Variants in ZNF839 observed in about 807,000 individuals in gnomAD.
ZNF839 encodes zinc finger protein 839.
ZNF839 carries 38 observed loss-of-function variants against 56.4 expected under a neutral mutation model. The ratio of observed to expected loss-of-function variants is 0.67; its 90% CI spans 0.52 to 0.88. The LOEUF (loss-of-function observed/expected upper bound fraction) is 0.88. Ranked by LOEUF, ZNF839 falls within the 40% of genes least tolerant of loss-of-function variation. The probability of loss-of-function intolerance (pLI) is 0.00; values close to 1 mark genes in which losing one functional copy is unlikely to be tolerated. For synonymous variants in ZNF839, 486 were observed against 493.5 expected (o/e 0.98, Z 0.20); for missense variants, 1,091 against 1,177.6 (o/e 0.93, Z 1.08).
Position 102,326,460 on chromosome 14 carries a change from G to T in ZNF839, c.764G>T (p.Arg255Leu). ...AAGACACGTTCTGGACGGGTATCTC[G>T]ACCTCCCAAATATAAAGCTAAAGAT... is the stretch of plus-strand genomic sequence containing the variant. ...KVKTRSGRVS[R>L]PPKYKAKDYK... The change falls in exon 2 of 8, where the codon CGA becomes CTA. Residue 255 changes from arginine (R) to leucine (L), a missense_variant. Arg to Leu is a moderately radical substitution (Grantham distance 102). This residue lies in a region of ZNF839 where 614 missense variants were observed against 629.2 expected (regional missense o/e 0.98). Coordinates refer to ENST00000442396, the MANE Select transcript of ZNF839 (RefSeq NM_018335.6). The surrounding 1 kb of genome is among the most constrained non-coding windows in gnomAD (Gnocchi z 4.3). 1 of 1,613,832 alleles carries T rather than the reference G, an allele frequency of 6.2e-7. No individual in the cohort carries two copies. Among genetic ancestry groups the T allele is most frequent in the South Asian group, 1.1e-5 (1 of 91,040 alleles).
rs1886552818 is a variant in ZNF839 at position 102,341,769 on chromosome 14, C to G, written c.2374C>G (p.Pro792Ala). 6.2e-7 allele frequency: 1 copy of G among 1,613,908 alleles called. No homozygotes were observed. The highest frequency in any genetic ancestry group is 1.7e-5 in the Admixed American group (1 of 60,012). Residue 792 changes from proline to alanine, a missense_variant, in exon 8 of 8, where the codon CCT becomes GCT. Pro to Ala is a conservative substitution (Grantham distance 27). Transcript: ENST00000442396. ...GCAGCCCAGCCCCACCAGCGTCCTG[C>G]CTACAGAGGTGGCAGCCCCTCCGCT... ...HQQPSPTSVLPTEVAAPPLEK... is the reference protein window; with the variant it reads ...HQQPSPTSVLATEVAAPPLEK...
intron 1 of ZNF839, among the ~76,000 whole-genome samples, chr14:102,325,775 G>A (rs531243771): frequency 1.3e-5 from 2 of 152,270 alleles, no homozygotes; most frequent in South Asian, 4.1e-4. Context: ...GATTACAAGT[G>A]TGAGCCACCA....
At chr14:102,336,659 A>G (rs1309186103) in intron 5 of ZNF839, 1 of 434,068 alleles carries the variant, frequency 2.3e-6, no homozygotes, top group Admixed American at 2.7e-5. Context: ...AAGATAAGCT[A>G]GAAGAAAATG....
In ZNF839 at chr14:102,319,936, GC is replaced by G. The variant is rs2073030305; in HGVS notation, c.177del (p.Phe60SerfsTer39). 20 of 1,204,968 alleles carry G rather than the reference GC, an allele frequency of 1.7e-5. No homozygotes were observed. Among genetic ancestry groups the G allele is most frequent in the South Asian group, 8.2e-5 (3 of 36,668 alleles). The allele number at this position is 1,204,968 out of a possible 1,614,324, so 74.6% of individuals were successfully genotyped here. On this transcript the variant is annotated frameshift_variant, in exon 1 of 8. Coordinates refer to ENST00000442396, the MANE Select transcript of ZNF839 (RefSeq NM_018335.6). LOFTEE classifies it high-confidence loss of function. This position sits in a 1 kb window ranked among gnomAD's most constrained non-coding sequence, Gnocchi z 4.5. ...CGAAGGCGCAGCCGCCGCCGCCGCC[GC>G]CCCCCTTCGTGCTGCGGGACGCGGC... is the stretch of plus-strand genomic sequence containing the variant. ...VTKAQPPPPP[P>X]PFVLRDAARR...
Position 102,341,625 on chromosome 14 carries a change from C to G in ZNF839, c.2230C>G (p.Pro744Ala). 1 of 1,613,916 alleles carries G rather than the reference C, an allele frequency of 6.2e-7. No homozygotes were observed. Among genetic ancestry groups the G allele is most frequent in the Non-Finnish European group, 8.5e-7 (1 of 1,179,892 alleles). Residue 744 changes from proline to alanine, a missense_variant, in exon 8 of 8, where the codon CCG becomes GCG. By Grantham distance (27) the Pro-to-Ala change is conservative. Around this residue, in one of 3 missense-constraint regions of ZNF839, gnomAD observed 431 missense variants for 468.0 expected, o/e 0.92. Coordinates refer to ENST00000442396, the MANE Select transcript of ZNF839 (RefSeq NM_018335.6). ...GGACACCTGGGACAGCCTGAGGAGC[C>G]CGGGTTTCTGCAGCCCTTTGTCATC... ...DQDTWDSLRS[P>A]GFCSPLSSGG... is the part of the protein sequence containing the mutation.
chr14:102,334,407 GT>G (rs1300949148), intron 3 of ZNF839, 146 bp from the exon 4 acceptor site: 20 of 626,174 alleles, frequency 3.2e-5, no homozygotes, highest in Non-Finnish European at 5.6e-5. Flanking sequence ...AGGTGAAATA[GT>G]TAATAAAGCA....
In ZNF839 at chr14:102,326,142, A is replaced by G; in HGVS notation, c.446A>G (p.Gln149Arg). 2 of 1,613,880 alleles carry G rather than the reference A, an allele frequency of 1.2e-6. No individual in the cohort carries two copies. The highest frequency in any genetic ancestry group is 1.7e-6 in the Non-Finnish European group (2 of 1,179,846). The change falls in exon 2 of 8, where the codon CAG becomes CGG. Residue 149 changes from glutamine to arginine, a missense_variant. By Grantham distance (43) the Gln-to-Arg change is conservative. Around this residue, in one of 3 missense-constraint regions of ZNF839, gnomAD observed 614 missense variants for 629.2 expected, o/e 0.98. Coordinates refer to ENST00000442396, the MANE Select transcript of ZNF839 (RefSeq NM_018335.6). The surrounding 1 kb of genome is among the most constrained non-coding windows in gnomAD (Gnocchi z 4.3). Reference sequence around the variant, plus strand: ...GTGGGGCTCCATATCGCCAGCCCTCAGCTGCTCAGGGTACAGCCGCTTGTG... The same window carrying G: ...GTGGGGCTCCATATCGCCAGCCCTCGGCTGCTCAGGGTACAGCCGCTTGTG... Reference protein sequence around the residue: ...CLVGLHIASPQLLRVQPLVRT... With the variant: ...CLVGLHIASPRLLRVQPLVRT...
At chr14:102,321,811 G>A (rs776365392) in intron 1 of ZNF839, among the ~76,000 whole-genome samples, 30 of 152,144 alleles carry the variant, frequency 2.0e-4, no homozygotes, top group Non-Finnish European at 2.8e-4. Flanking sequence ...ATTTGAAAGG[G>A]TGCGTCTGAG....
intron 5 of ZNF839, 58 bp from the exon 6 acceptor site, chr14:102,338,758 C>G: frequency 1.2e-6 from 2 of 1,606,024 alleles, no homozygotes; most frequent in Non-Finnish European, 1.7e-6. Flanking sequence ...TGTGAATGTG[C>G]TTCTGGGGGT....
At chr14:102,323,224 A>G (rs2073227779) in intron 1 of ZNF839, among the ~76,000 whole-genome samples, 1 of 152,226 alleles carries the variant, frequency 6.6e-6, no homozygotes, top group Non-Finnish European at 1.5e-5. Flanking sequence ...CTTCATTGTC[A>G]GGACTCGGGA....
At chr14:102,338,690 C>T (rs899155280) in intron 5 of ZNF839, 126 bp from the exon 6 acceptor site, 2 of 1,314,968 alleles carry the variant, frequency 1.5e-6, no homozygotes, top group Non-Finnish European at 2.1e-6. Flanking sequence ...GAGATGGCAT[C>T]TCACAGTAGG....
Position 102,341,936 on chromosome 14 carries a change from C to A in ZNF839, c.2541C>A (p.Phe847Leu), listed in dbSNP as rs1053019. ...LRSLSGDLNR[F>L]PCGMEVHSGQ... ...GCCTTTCGGGGGACTTGAACCGGTTCCCCTGTGGGATGGAGGTGCACTCTG... is the reference window on the plus strand; with the variant it reads ...GCCTTTCGGGGGACTTGAACCGGTTACCCTGTGGGATGGAGGTGCACTCTG... Residue 847 changes from phenylalanine (F) to leucine (L), a missense_variant, in exon 8 of 8, where the codon TTC (phenylalanine) becomes TTA (leucine). Around this residue, in one of 3 missense-constraint regions of ZNF839, gnomAD observed 431 missense variants for 468.0 expected, o/e 0.92. Transcript: ENST00000442396. The A allele has an allele frequency of 0.064, 102,749 of 1,613,908 alleles. 3,906 individuals are homozygous for A. The highest frequency in any genetic ancestry group is 0.17 in the African/African-American group (12,820 of 75,006).
At chr14:102,337,526 A>G (rs1885919243) in intron 5 of ZNF839, 1 of 152,206 alleles carries the variant, frequency 6.6e-6, no homozygotes, top group South Asian at 2.1e-4. Flanking sequence ...AGCCTCATGT[A>G]GATGCCCTCC....
chr14:102,321,280 TG>T (rs1386176667), intron 1 of ZNF839, among the ~76,000 whole-genome samples: 3 of 152,238 alleles, frequency 2.0e-5, no homozygotes, highest in African/African-American at 7.2e-5. Flanking sequence ...GCAGTGTTTT[TG>T]TACCGGCATT....
intron 2 of ZNF839, among the ~76,000 whole-genome samples, chr14:102,328,618 A>G (rs2073600048): frequency 6.6e-6 from 1 of 151,680 alleles, no homozygotes; most frequent in African/African-American, 2.4e-5. Context: ...AAACAAAAAA[A>G]CTAAAACTCT....
Position 102,334,600 on chromosome 14 carries a change from C to A in ZNF839, c.1463C>A (p.Pro488His), listed in dbSNP as rs775841702. ...GAGGATCTGGTGGAATTGGCTCTGCCTCAGCTGGCTCAGGTTGTGACCGTG... is the reference window on the plus strand; with the variant it reads ...GAGGATCTGGTGGAATTGGCTCTGCATCAGCTGGCTCAGGTTGTGACCGTG... Reference protein sequence around the residue: ...DREDLVELALPQLAQVVTVYE... With the variant: ...DREDLVELALHQLAQVVTVYE... The change falls in exon 4 of 8, where the codon CCT becomes CAT. Residue 488 changes from proline to histidine, a missense_variant. By Grantham distance (77) the Pro-to-His change is moderately conservative (BLOSUM62 -2). This residue lies in a region of ZNF839 where 614 missense variants were observed against 629.2 expected (regional missense o/e 0.98). Coordinates refer to ENST00000442396, the MANE Select transcript of ZNF839 (RefSeq NM_018335.6). 1.2e-5 allele frequency: 19 copies of A among 1,612,490 alleles called. No homozygotes were observed. In the Admixed American group the frequency reaches 2.2e-4, roughly 18 times the overall value.
chr14:102,326,204 T>C lies in ZNF839; in HGVS notation c.508T>C (p.Cys170Arg), dbSNP rs778968538. The part of the protein sequence containing the change: ...EPQSCFLSDL[C>R]QPPAQGFVQR... ...ACAGTCCTGCTTCCTAAGTGACTTA[T>C]GCCAACCTCCTGCTCAGGGGTTTGT... The change falls in exon 2 of 8, where the codon TGC becomes CGC. Residue 170 changes from cysteine to arginine, a missense_variant. Transcript: ENST00000442396. This position sits in a 1 kb window ranked among gnomAD's most constrained non-coding sequence, Gnocchi z 4.3. The C allele has an allele frequency of 5.0e-6, 8 of 1,613,826 alleles. No homozygotes were observed. The highest frequency in any genetic ancestry group is 4.5e-5 in the East Asian group (2 of 44,878).
intron 5 of ZNF839, among the ~76,000 whole-genome samples, chr14:102,338,069 G>GC (rs2139584247): frequency 6.6e-6 from 1 of 152,320 alleles, no homozygotes; most frequent in East Asian, 1.9e-4. Context: ...CCAAGCCCAT[G>GC]CCTTTTTACC....
chr14:102,325,109 C>T (rs1006875594), intron 1 of ZNF839, among the ~76,000 whole-genome samples: 5 of 151,922 alleles, frequency 3.3e-5, no homozygotes, highest in Admixed American at 3.3e-4. Context: ...CCCAGCACTT[C>T]GGGAGGCCAA....
Sources: gnomAD v4.1 joint callset for allele counts (sites outside exome capture counted in the v4.1 genomes callset) on GRCh38, gnomAD v4.1.1 for gene constraint, gnomAD v4.1.1 regional missense constraint, Gnocchi (gnomAD v3.1) non-coding constraint, MANE v1.5 for transcripts, NCBI Gene and HGNC (gene_info 2026-07-23, HGNC 2026-07-21) for gene names.